NCOA7: variants seen among roughly 807,000 people sequenced by gnomAD.
NCOA7 encodes the protein 140 kDa estrogen receptor-associated protein.
NCOA7 carries 45 observed loss-of-function variants against 104.3 expected under a neutral mutation model. The observed-to-expected ratio is 0.43, with a 90% CI of 0.34 to 0.55. NCOA7 has a LOEUF of 0.55. NCOA7 is among the 20% of genes least tolerant of loss of function. The pLI, the probability that NCOA7 is intolerant of heterozygous loss-of-function variation, is 0.02. For synonymous variants in NCOA7, 398 were observed against 402.3 expected (o/e 0.99, Z 0.13); for missense variants, 1,041 against 1,119.7 (o/e 0.93, Z 1.00).
chr6:125,890,300 A>C (rs1264360009), intron 9 of NCOA7, among the ~76,000 whole-genome samples: 3 of 152,236 alleles, frequency 2.0e-5, no homozygotes, highest in Admixed American at 1.3e-4. Flanking sequence ...TCTCAATTCT[A>C]AACTGAATTG....
intron 2 of NCOA7, among the ~76,000 whole-genome samples, chr6:125,820,789 TA>T (rs1261297461): frequency 6.6e-6 from 1 of 152,216 alleles, no homozygotes. Context: ...AAGGAACACT[TA>T]ACGACAATCC....
intron 4 of NCOA7, among the ~76,000 whole-genome samples, chr6:125,876,598 C>T (rs1415297704): frequency 2.3e-5 from 3 of 130,366 alleles, no homozygotes; most frequent in Non-Finnish European, 4.9e-5. Context: ...AATGTAGTGA[C>T]AGTAAAAAAA....
intron 1 of NCOA7, among the ~76,000 whole-genome samples, chr6:125,806,909 C>G: frequency 6.6e-6 from 1 of 152,094 alleles, no homozygotes; most frequent in East Asian, 1.9e-4. Flanking sequence ...TTATGAAGGG[C>G]GTATAATAAA....
intron 10 of NCOA7, among the ~76,000 whole-genome samples, chr6:125,901,330 A>G (rs1785479781): frequency 6.6e-6 from 1 of 152,184 alleles, no homozygotes. Context: ...TTTTCCTACC[A>G]GTCATGCAGC....
chr6:125,846,291 A>C (rs978091859), intron 2 of NCOA7, among the ~76,000 whole-genome samples: 15 of 152,046 alleles, frequency 9.9e-5, no homozygotes, highest in African/African-American at 3.4e-4. Context: ...CAAATGTGAG[A>C]CTTAGAAAAA....
chr6:125,915,559 G>A (rs1786994624), intron 11 of NCOA7, 79 bp downstream of exon 11: 1 of 1,555,962 alleles, frequency 6.4e-7, no homozygotes, highest in Non-Finnish European at 8.8e-7. Flanking sequence ...CCATGTAACA[G>A]GCTGGTAAGA....
At chr6:125,869,074 C>A (rs1172069394) in intron 3 of NCOA7, among the ~76,000 whole-genome samples, 1 of 152,202 alleles carries the variant, frequency 6.6e-6, no homozygotes, top group Admixed American at 6.5e-5. Flanking sequence ...ACTATCTTTT[C>A]TTCCCTTCCT....
chr6:125,866,224 G>C (rs1389616632), intron 3 of NCOA7, among the ~76,000 whole-genome samples: 1 of 151,904 alleles, frequency 6.6e-6, no homozygotes, highest in Non-Finnish European at 1.5e-5. Flanking sequence ...AGCTGTTCAG[G>C]AGGCTGAGGC....
At chr6:125,802,627 A>C (rs564395212) in intron 1 of NCOA7, among the ~76,000 whole-genome samples, 1 of 152,218 alleles carries the variant, frequency 6.6e-6, no homozygotes, top group Non-Finnish European at 1.5e-5. Flanking sequence ...GCAAAGCATC[A>C]CAGAGCTGCA....
In NCOA7 at chr6:125,886,164, G is replaced by GAAA. The variant is rs57159294; in HGVS notation, c.884+837_884+839dup. On this transcript the variant is annotated intron_variant, in intron 8 of 15. Transcript: ENST00000392477. ...GGAAACTAGCCCTTGGGGCTTATAT[G>GAAA]AAAAAAAAAAAAAAAAAAGGAAGTT... is the stretch of plus-strand genomic sequence containing the variant. Among the ~76,000 whole-genome samples the GAAA allele has an allele frequency of 6.6e-3, 767 of 115,898 alleles. 9 individuals carry two copies. The highest frequency in any genetic ancestry group is 0.017 in the African/African-American group (568 of 33,242). 76.0% of individuals were successfully genotyped at this position (115,898 alleles called of 152,430 possible).
chr6:125,890,183 C>A (rs1372521317), intron 9 of NCOA7, among the ~76,000 whole-genome samples: 1 of 152,170 alleles, frequency 6.6e-6, no homozygotes, highest in African/African-American at 2.4e-5. Context: ...TGACATAGAT[C>A]TCTAGATACC....
chr6:125,808,559 T>C (rs1776673368), intron 1 of NCOA7, among the ~76,000 whole-genome samples: 2 of 152,214 alleles, frequency 1.3e-5, no homozygotes, highest in African/African-American at 4.8e-5. Flanking sequence ...ATTCTAGATC[T>C]CAGGGTCCAC....
intron 11 of NCOA7, among the ~76,000 whole-genome samples, chr6:125,919,024 G>GA (rs369345241): frequency 1.6e-3 from 243 of 152,058 alleles, no homozygotes; most frequent in African/African-American, 4.7e-3. Context: ...GGACGATTAG[G>GA]AAAAAAAGTA....
Position 125,929,239 on chromosome 6 carries a change from G to GT in NCOA7, c.*481dup, listed in dbSNP as rs752467545. On this transcript the variant is annotated 3_prime_UTR_variant, in exon 16 of 16. Coordinates refer to ENST00000392477, the MANE Select transcript of NCOA7 (RefSeq NM_181782.5). ...ACAGCACTTAAAGGGAATATATGAG[G>GT]TTTTTTTTTTTTTAAAAAAAAACTT... The GT allele has an allele frequency of 4.0e-3, 546 of 135,778 alleles. No homozygotes were observed. Among genetic ancestry groups the GT allele is most frequent in the Middle Eastern group, 0.023 (6 of 258 alleles). The allele number at this position is 135,778 out of a possible 1,614,324, so 8.4% of individuals were successfully genotyped here. A position where few individuals can be genotyped will look rare whatever the true frequency, so the allele number is the denominator to read the frequency against.
chr6:125,925,466 G>T (rs1373017355), intron 13 of NCOA7, among the ~76,000 whole-genome samples: 1 of 152,104 alleles, frequency 6.6e-6, no homozygotes, highest in Non-Finnish European at 1.5e-5. Flanking sequence ...ATCAGACTGT[G>T]GAATAATTTA....
intron 3 of NCOA7, among the ~76,000 whole-genome samples, chr6:125,855,886 T>C (rs1781511267): frequency 6.6e-6 from 1 of 152,096 alleles, no homozygotes; most frequent in South Asian, 2.1e-4. Flanking sequence ...GGTTTCACCA[T>C]GTTGAGCAGG....
At chr6:125,822,319 CATTTT>C (rs1778266193) in intron 2 of NCOA7, among the ~76,000 whole-genome samples, 1 of 152,136 alleles carries the variant, frequency 6.6e-6, no homozygotes, top group Admixed American at 6.5e-5. Flanking sequence ...AATATTTGGT[CATTTT>C]ATTTTATCAG....
chr6:125,889,166 T>G lies in NCOA7; in HGVS notation c.1112T>G (p.Leu371Ter). The change falls in exon 9 of 16, where the codon TTA becomes TGA. Residue 371 changes from leucine (L) to a stop codon, truncating the protein, a stop_gained. Coordinates refer to ENST00000392477, the MANE Select transcript of NCOA7 (RefSeq NM_181782.5). LOFTEE classifies it high-confidence loss of function. ...TCAGGCAGCTCTGTGTCAGAGAAAT[T>G]AAAGAAACTGGACTCCTCTAGGGAG... ...KPSGSSVSEK[L>*]KKLDSSRETS... 6.2e-7 allele frequency: 1 copy of G among 1,614,094 alleles called. No individual in the cohort carries two copies.
At chr6:125,840,710 G>C (rs191846869) in intron 2 of NCOA7, among the ~76,000 whole-genome samples, 1 of 150,356 alleles carries the variant, frequency 6.7e-6, no homozygotes, top group African/African-American at 2.5e-5. Context: ...GTAGAGACAG[G>C]GTCTTTCTAG....
Sources: allele counts gnomAD v4.1 joint callset (sites outside exome capture counted in the v4.1 genomes callset), GRCh38; gene constraint gnomAD v4.1.1; transcripts MANE v1.5; gene names NCBI Gene and HGNC (gene_info 2026-07-23, HGNC 2026-07-21).